The following ATAD2 variants were observed in gnomAD, a reference collection of about 807,000 sequenced individuals.
The protein encoded by ATAD2 is ATPase family AAA domain-containing protein 2.
Under a neutral mutation model 168.9 loss-of-function variants are expected in ATAD2, and 62 were observed. The ratio of observed to expected loss-of-function variants is 0.37; its 90% CI spans 0.30 to 0.45. The LOEUF (loss-of-function observed/expected upper bound fraction) is 0.45. Among genes scored for constraint, ATAD2 ranks in the 20% least tolerant of loss-of-function variants. The pLI is 1.00. For missense variants in ATAD2, 1,419 were observed against 1,667.8 expected, an observed-to-expected ratio of 0.85 and a Z score of 2.60; for synonymous variants, 613 against 571.6, an observed-to-expected ratio of 1.07 and a Z score of -1.03.
intron 2 of ATAD2, among the ~76,000 whole-genome samples, chr8:123,378,769 C>T (rs1286956987): frequency 6.9e-6 from 1 of 145,458 alleles, no homozygotes; most frequent in Non-Finnish European, 1.5e-5. Flanking sequence ...TCTTCTAAGT[C>T]ATTACAAATT....
chr8:123,398,324 G>A (rs1053131195), upstream of ATAD2, among the ~76,000 whole-genome samples: 1 of 145,722 alleles, frequency 6.9e-6, no homozygotes, highest in African/African-American at 2.6e-5. Context: ...TCTGCCTCCC[G>A]GGTTCAAGCG....
intron 1 of ATAD2, among the ~76,000 whole-genome samples, chr8:123,392,051 C>T (rs916972426): frequency 1.3e-5 from 2 of 151,044 alleles, no homozygotes; most frequent in African/African-American, 2.4e-5. Context: ...ACCACAAATA[C>T]GGGATTTATG....
rs1023198582 is a variant in ATAD2, at chr8:123,380,742, A to G, written c.172-65T>C. The G allele has an allele frequency of 2.0e-6, 3 of 1,525,550 alleles. No individual in the cohort carries two copies. In the African/African-American group the frequency reaches 4.2e-5, roughly 21 times the overall value. 94.5% of individuals were successfully genotyped at this position (1,525,550 alleles called of 1,614,324 possible). Reference sequence around the variant, plus strand: ...ACAAAACTCCAATTTAAATTCCTCCAAAGAGTATTCTCTGATTACAAGTTA... The same window carrying G: ...ACAAAACTCCAATTTAAATTCCTCCGAAGAGTATTCTCTGATTACAAGTTA... On this transcript the variant is annotated intron_variant, in intron 1 of 27. Transcript: ENST00000287394.
chr8:123,350,867 G>A (rs541297793), intron 13 of ATAD2, among the ~76,000 whole-genome samples: 11 of 151,948 alleles, frequency 7.2e-5, no homozygotes, highest in Admixed American at 7.2e-4. Context: ...TGGGACTACA[G>A]GCGCCCGCTA....
chr8:123,395,599 G>A (rs559957494), intron 1 of ATAD2, among the ~76,000 whole-genome samples: 32 of 152,292 alleles, frequency 2.1e-4, no homozygotes, highest in African/African-American at 7.7e-4. Context: ...TTCTCAAAGG[G>A]TTATGACGAG....
At chr8:123,369,635 C>G (rs1475140454) in intron 7 of ATAD2, among the ~76,000 whole-genome samples, 186 bp downstream of exon 7, 1 of 152,010 alleles carries the variant, frequency 6.6e-6, no homozygotes, top group African/African-American at 2.4e-5. Context: ...TTGGTCAAGG[C>G]AAACATTTAA....
intron 1 of ATAD2, among the ~76,000 whole-genome samples, chr8:123,394,282 T>C (rs757737508): frequency 1.4e-4 from 21 of 152,198 alleles, no homozygotes; most frequent in Non-Finnish European, 2.9e-4. Flanking sequence ...CTGATGATTA[T>C]TGGTAAACCT....
chr8:123,356,560 T>C, intron 12 of ATAD2, 83 bp from the exon 13 acceptor site: 1 of 866,040 alleles, frequency 1.2e-6, no homozygotes, highest in Admixed American at 2.8e-5. Flanking sequence ...TAATAAATTC[T>C]CATTCAAATA....
At chr8:123,396,504 G>T, upstream of ATAD2, 1 of 779,818 alleles carries the variant, frequency 1.3e-6, no homozygotes, top group Non-Finnish European at 2.0e-6. Context: ...TCCCTCCGCC[G>T]TCTGTCCCGC....
chr8:123,344,647 T>C (rs762325415), intron 19 of ATAD2: 8 of 435,086 alleles, frequency 1.8e-5, no homozygotes, highest in Admixed American at 3.5e-5. Context: ...GCACCCGGCA[T>C]ATAATACCAT....
intron 1 of ATAD2, among the ~76,000 whole-genome samples, chr8:123,414,349 G>C (rs1386979208): frequency 6.6e-6 from 1 of 152,154 alleles, no homozygotes; most frequent in Non-Finnish European, 1.5e-5. Flanking sequence ...GACCCAACTG[G>C]CAAGTTGTAG....
chr8:123,379,187 C>A (rs4268112), intron 2 of ATAD2, among the ~76,000 whole-genome samples: 1,812 of 152,246 alleles, frequency 0.012, 40 homozygotes, highest in African/African-American at 0.042. Flanking sequence ...TTTAGCCAAA[C>A]TACCTAATCC....
intron 1 of ATAD2, among the ~76,000 whole-genome samples, 155 bp downstream of exon 1, chr8:123,396,032 C>A (rs1288439262): frequency 6.6e-6 from 1 of 152,228 alleles, no homozygotes; most frequent in East Asian, 1.9e-4. Context: ...ACCTCCGATC[C>A]CGAGAGCTTC....
chr8:123,407,593 G>A (rs532031076), intron 1 of ATAD2, among the ~76,000 whole-genome samples: 7 of 150,376 alleles, frequency 4.7e-5, no homozygotes, highest in Non-Finnish European at 1.0e-4. Context: ...GTGTGGTGGC[G>A]GGCGCCTGTA....
At position 123,328,283 on chromosome 8, in the gene ATAD2, T is replaced by C; in HGVS notation, c.3775A>G (p.Thr1259Ala). ...TTGTCTCTCAATTCTGTACATGCTG[T>C]AGTCTTCCTAGAGTCTTCAAGCTCA... is the stretch of plus-strand genomic sequence containing the variant. ...ENELEDSRKT[T>A]ACTELRDKIA... Residue 1259 changes from threonine (T) to alanine (A), a missense_variant, in exon 25 of 28, where the codon ACA becomes GCA. Thr to Ala is a moderately conservative substitution (Grantham distance 58). Transcript: ENST00000287394. 1 of 1,594,456 alleles carries C rather than the reference T, an allele frequency of 6.3e-7. No homozygotes were observed. The highest frequency in any genetic ancestry group is 1.2e-5 in the South Asian group (1 of 84,746).
chr8:123,399,766 A>T (rs139004991), upstream of ATAD2, among the ~76,000 whole-genome samples: 1,248 of 152,108 alleles, frequency 8.2e-3, 19 homozygotes, highest in African/African-American at 0.029. Context: ...AGGCAGAAGA[A>T]TTTCTTGAAC....
At chr8:123,400,291 G>A (rs114135285), upstream of ATAD2, among the ~76,000 whole-genome samples, 207 of 152,324 alleles carry the variant, frequency 1.4e-3, 1 homozygote, top group African/African-American at 4.6e-3. This position sits in a 1 kb window ranked among gnomAD's most constrained non-coding sequence, Gnocchi z 4.5. Flanking sequence ...AAGAACAAGT[G>A]CAAAGGCCCT....
At chr8:123,383,562 G>T (rs533666384) in intron 1 of ATAD2, among the ~76,000 whole-genome samples, 1 of 151,876 alleles carries the variant, frequency 6.6e-6, no homozygotes, top group Admixed American at 6.6e-5. Flanking sequence ...ACCTGAGATT[G>T]GGAGTTCGAG....
intron 13 of ATAD2, among the ~76,000 whole-genome samples, chr8:123,353,581 T>C (rs1037511701): frequency 8.5e-5 from 13 of 152,086 alleles, no homozygotes; most frequent in African/African-American, 2.9e-4. Flanking sequence ...TTTTTTTTTA[T>C]TGCTTTCAGG....
Sources: gnomAD v4.1 joint callset for allele counts (sites outside exome capture counted in the v4.1 genomes callset) on GRCh38, gnomAD v4.1.1 for gene constraint, Gnocchi (gnomAD v3.1) non-coding constraint, MANE v1.5 for transcripts, NCBI Gene and HGNC (gene_info 2026-07-23, HGNC 2026-07-21) for gene names.